Variants in LRRC7 observed in about 807,000 individuals in gnomAD.
LRRC7 encodes leucine rich repeat containing 7, also known as leucine-rich repeat-containing protein 7.
Under a neutral mutation model 175.7 loss-of-function variants are expected in LRRC7, and 23 were observed. That is an observed-to-expected ratio of 0.13 (90% CI 0.09 to 0.19). The LOEUF (loss-of-function observed/expected upper bound fraction) is 0.19, where lower values mean the gene tolerates loss of function less well. Ranked by LOEUF, LRRC7 falls within the 10% of genes least tolerant of loss-of-function variation. The pLI is 1.00. For missense variants in LRRC7, 1,354 were observed against 1,904.7 expected, an observed-to-expected ratio of 0.71 and a Z score of 5.38; for synonymous variants, 685 against 680.9, an observed-to-expected ratio of 1.01 and a Z score of -0.09.
intron 22 of LRRC7, among the ~76,000 whole-genome samples, chr1:70,044,890 ATATTGTCATTAGCC>A (rs756585959): frequency 5.9e-5 from 9 of 152,140 alleles, no homozygotes; most frequent in Non-Finnish European, 1.2e-4. Flanking sequence ...CTATATATTT[ATATTGTCATTAGCC>A]TAGTAAGTTT....
intron 24 of LRRC7, 75 bp downstream of exon 24, chr1:70,076,373 C>A: frequency 7.5e-7 from 1 of 1,331,976 alleles, no homozygotes; most frequent in East Asian, 2.4e-5. Flanking sequence ...GGCCTTCCCT[C>A]ATTAATGTGG....
intron 25 of LRRC7, among the ~76,000 whole-genome samples, chr1:70,092,347 A>T (rs1180681078): frequency 6.6e-6 from 1 of 152,122 alleles, no homozygotes. Context: ...TAGTCATGCA[A>T]AAGTTTAAAC....
rs1309151788 is a variant in LRRC7 at position 70,133,082 on chromosome 1, T to G, written c.*11195T>G. ...TCATATTTAGTTGTACACATCCGCA[T>G]ACTCTTTTAAAGAAACATGTGTCTG... On this transcript the variant is annotated 3_prime_UTR_variant, in exon 27 of 27. Transcript: ENST00000651989. 6.6e-6 allele frequency among the ~76,000 whole-genome samples: 1 copy of G among 152,176 alleles called. No homozygotes were observed. The highest frequency in any genetic ancestry group is 2.4e-5 in the African/African-American group (1 of 41,450).
chr1:69,620,619 C>G (rs1405936961), intron 1 of LRRC7, among the ~76,000 whole-genome samples: 3 of 152,146 alleles, frequency 2.0e-5, no homozygotes, highest in African/African-American at 7.2e-5. Context: ...GAGAAGAATA[C>G]TAGTGAGCAC....
chr1:69,691,141 G>A (rs970252585), intron 2 of LRRC7, among the ~76,000 whole-genome samples: 1 of 152,126 alleles, frequency 6.6e-6, no homozygotes, highest in African/African-American at 2.4e-5. Flanking sequence ...GGGGAAGCAG[G>A]TCAGAGGGCA....
intron 26 of LRRC7, among the ~76,000 whole-genome samples, chr1:70,115,136 G>A (rs534299112): frequency 6.6e-6 from 1 of 152,304 alleles, no homozygotes; most frequent in South Asian, 2.1e-4. Context: ...ATGTATTCAG[G>A]AAGGTAAAGA....
intron 1 of LRRC7, among the ~76,000 whole-genome samples, chr1:69,671,779 C>G (rs1450557862): frequency 6.6e-6 from 1 of 152,142 alleles, no homozygotes; most frequent in Non-Finnish European, 1.5e-5. Context: ...TCTGCTATGA[C>G]AGGGGCAGCA....
chr1:69,771,667 C>T (rs1672255399), intron 3 of LRRC7, among the ~76,000 whole-genome samples: 1 of 152,062 alleles, frequency 6.6e-6, no homozygotes, highest in Non-Finnish European at 1.5e-5. Context: ...TTCTTGATTA[C>T]CAATTATGTG....
intron 2 of LRRC7, among the ~76,000 whole-genome samples, chr1:69,714,778 G>GA (rs111884612): frequency 2.0e-5 from 3 of 152,082 alleles, no homozygotes; most frequent in African/African-American, 7.2e-5. Context: ...TTAGGAATCT[G>GA]ATGTTTTTTT....
rs1289830164 is a variant in LRRC7 at position 69,994,623 on chromosome 1, A to G, written c.994A>G (p.Thr332Ala). 5.0e-6 allele frequency: 8 copies of G among 1,609,464 alleles called. No homozygotes were observed. The highest frequency in any genetic ancestry group is 6.8e-6 in the Non-Finnish European group (8 of 1,177,238). ...DDNQLTMLPN[T>A]IGNLSLLEEF... ...CAATCAACTTACAATGCTACCCAAT[A>G]CAATTGGAAAGTAAGTGCCAACTTT... The change falls in exon 11 of 27, where the codon ACA becomes GCA. Residue 332 changes from threonine to alanine, a missense_variant. Thr to Ala is a moderately conservative substitution (Grantham distance 58, BLOSUM62 0). Transcript: ENST00000651989.
Position 69,884,732 on chromosome 1 carries a change from G to C in LRRC7, c.647+46449G>C, listed in dbSNP as rs1048380607. Among the ~76,000 whole-genome samples, 3 of 146,076 alleles carry C rather than the reference G, an allele frequency of 2.1e-5. 1 individual carries two copies. The highest frequency in any genetic ancestry group is 7.9e-5 in the African/African-American group (3 of 37,772). On this transcript the variant is annotated intron_variant, in intron 7 of 26. Coordinates refer to ENST00000651989, the MANE Select transcript of LRRC7 (RefSeq NM_001370785.2). ...AATGCTTCCAGTTTTTGCCCATTCAGTATGATATTGGCTGTGGGTTTGTCA... is the reference window on the plus strand; with the variant it reads ...AATGCTTCCAGTTTTTGCCCATTCACTATGATATTGGCTGTGGGTTTGTCA...
Position 69,825,758 on chromosome 1 carries a change from A to G in LRRC7, c.432A>G (p.Glu144=). ...TTTTTCACATTTTAGGTGTACAAGA[A>G]TTTCCAGAAAACATAAAGTGCTGTA... ...ELDISKNGVQ[E]FPENIKCCKC... The change falls in exon 5 of 27, where the codon GAA becomes GAG. Residue 144 remains glutamate (E), a synonymous_variant. Coordinates refer to ENST00000651989, the MANE Select transcript of LRRC7 (RefSeq NM_001370785.2). 6.2e-7 allele frequency: 1 copy of G among 1,603,252 alleles called. No homozygotes were observed.
intron 1 of LRRC7, among the ~76,000 whole-genome samples, 200 bp from the exon 2 acceptor site, chr1:69,678,181 T>A (rs34170212): frequency 0.21 from 31,729 of 151,940 alleles, 3,474 homozygotes; most frequent in South Asian, 0.29. Context: ...TAATTTTTTT[T>A]AATTGGGATG....
At position 69,950,369 on chromosome 1, in the gene LRRC7, G is replaced by A. The variant is rs17131090; in HGVS notation, c.711+18799G>A. On this transcript the variant is annotated intron_variant, in intron 8 of 26. Coordinates refer to ENST00000651989, the MANE Select transcript of LRRC7 (RefSeq NM_001370785.2). Reference sequence around the variant, plus strand: ...ACAACTCATAGACATGAGGAGTGATGACAGAAGACAAGGCTTGGAAAGCTT... The same window carrying A: ...ACAACTCATAGACATGAGGAGTGATAACAGAAGACAAGGCTTGGAAAGCTT... Among the ~76,000 whole-genome samples, 1,183 of 152,224 alleles carry A rather than the reference G, an allele frequency of 7.8e-3. 14 individuals carry two copies. Among genetic ancestry groups the A allele is most frequent in the African/African-American group, 0.026 (1,087 of 41,544 alleles).
At chr1:69,885,213 C>G (rs1312634225) in intron 7 of LRRC7, among the ~76,000 whole-genome samples, 1 of 129,534 alleles carries the variant, frequency 7.7e-6, no homozygotes, top group Admixed American at 7.7e-5. Flanking sequence ...CCTTGTACCT[C>G]TGGTAGAATT....
intron 11 of LRRC7, among the ~76,000 whole-genome samples, chr1:69,996,250 G>T (rs550849712): frequency 9.3e-4 from 141 of 152,036 alleles, no homozygotes; most frequent in Non-Finnish European, 1.7e-3. Context: ...TGATGGGGTT[G>T]TTTGTTTTTT....
intron 23 of LRRC7, among the ~76,000 whole-genome samples, chr1:70,063,146 A>G (rs1002775434): frequency 1.3e-5 from 2 of 152,146 alleles, no homozygotes; most frequent in Non-Finnish European, 2.9e-5. Flanking sequence ...TTTCCTTAAT[A>G]AAAGTGTAAA....
chr1:69,568,899 GACC>G (rs1645613601), intron 1 of LRRC7, among the ~76,000 whole-genome samples: 1 of 152,218 alleles, frequency 6.6e-6, no homozygotes, highest in Non-Finnish European at 1.5e-5. Flanking sequence ...GCTGGCAAGA[GACC>G]TTAAAGGGTT....
chr1:69,578,259 T>C (rs1467589676), intron 1 of LRRC7, among the ~76,000 whole-genome samples: 1 of 150,478 alleles, frequency 6.6e-6, no homozygotes, highest in Non-Finnish European at 1.5e-5. Flanking sequence ...CTCACACCAG[T>C]TAGAATGGCA....
Sources: gnomAD v4.1 joint callset for allele counts (sites outside exome capture counted in the v4.1 genomes callset) on GRCh38, gnomAD v4.1.1 for gene constraint, MANE v1.5 for transcripts, NCBI Gene and HGNC (gene_info 2026-07-23, HGNC 2026-07-21) for gene names.